NDUFS5: variants seen among roughly 807,000 people sequenced by gnomAD.
NDUFS5 encodes NADH dehydrogenase [ubiquinone] iron-sulfur protein 5.
In NDUFS5, 7 loss-of-function variants were observed where a neutral mutation model predicts 10.5. The ratio of observed to expected loss-of-function variants is 0.66; its 90% CI spans 0.38 to 1.25. The LOEUF is 1.25. NDUFS5 is among the 50% of genes most tolerant of loss of function. The probability of loss-of-function intolerance (pLI) is 0.02; values close to 1 mark genes in which losing one functional copy is unlikely to be tolerated. For synonymous variants in NDUFS5, 38 were observed against 44.0 expected (o/e 0.86, Z 0.54); for missense variants, 148 against 140.7 (o/e 1.05, Z -0.26).
At chr1:39,030,994 C>G (rs1264150584) in intron 2 of NDUFS5, among the ~76,000 whole-genome samples, 1 of 151,940 alleles carries the variant, frequency 6.6e-6, no homozygotes, top group Non-Finnish European at 1.5e-5. Flanking sequence ...TTCAGCCTCC[C>G]AAGTAGCTGG....
rs577493900 is a variant in NDUFS5 at position 39,026,923 on chromosome 1, C to T, written c.-3+521C>T. 1.4e-4 allele frequency among the ~76,000 whole-genome samples: 22 copies of T among 152,292 alleles called. No individual in the cohort carries two copies. In the South Asian group the frequency reaches 2.1e-3, roughly 14 times the overall value. On this transcript the variant is annotated intron_variant, in intron 1 of 2. Coordinates refer to ENST00000372969, the MANE Select transcript of NDUFS5 (RefSeq NM_004552.3). ...CGTGCTTCCTCCTTCGAGCTCTTAC[C>T]CACTCGTGTTCCTTGCAGTGTATTC... is the stretch of plus-strand genomic sequence containing the variant.
At position 39,032,157 on chromosome 1, in the gene NDUFS5, C is replaced by G. The variant is rs147733820; in HGVS notation, c.217-2235C>G. On this transcript the variant is annotated intron_variant, in intron 2 of 2. Transcript: ENST00000372969. Reference sequence around the variant, plus strand: ...CAGCCTGAGCAACAAGAGTGAAACTCTGTGTCAAAAAAACAAACAAATGAA... The same window carrying G: ...CAGCCTGAGCAACAAGAGTGAAACTGTGTGTCAAAAAAACAAACAAATGAA... 1.6e-4 allele frequency among the ~76,000 whole-genome samples: 25 copies of G among 152,168 alleles called. 1 individual carries two copies. In the East Asian group the frequency reaches 4.4e-3, roughly 27 times the overall value.
chr1:39,030,566 G>A (rs891661813), intron 2 of NDUFS5, among the ~76,000 whole-genome samples: 13 of 151,898 alleles, frequency 8.6e-5, no homozygotes, highest in Non-Finnish European at 1.9e-4. Context: ...AATTAGCTGG[G>A]TGTAGTGGCT....
At chr1:39,027,623 G>A (rs1259756421) in intron 1 of NDUFS5, among the ~76,000 whole-genome samples, 5 of 116,546 alleles carry the variant, frequency 4.3e-5, no homozygotes, top group Non-Finnish European at 8.8e-5. Context: ...TTGTTGCCCA[G>A]GATGGAGTGC....
At chr1:39,033,500 G>A (rs1466178675) in intron 2 of NDUFS5, among the ~76,000 whole-genome samples, 2 of 150,264 alleles carry the variant, frequency 1.3e-5, no homozygotes, top group Non-Finnish European at 3.0e-5. Context: ...GCGAACCCAG[G>A]AGGCGGAGGT....
chr1:39,028,446 C>G (rs1396793792), intron 1 of NDUFS5, among the ~76,000 whole-genome samples: 1 of 151,934 alleles, frequency 6.6e-6, no homozygotes, highest in Non-Finnish European at 1.5e-5. Flanking sequence ...GTAGGTGAGC[C>G]ACCGCTCCTG....
intron 1 of NDUFS5, among the ~76,000 whole-genome samples, chr1:39,027,576 C>A (rs1457366803): frequency 1.9e-5 from 1 of 52,110 alleles, no homozygotes; most frequent in Admixed American, 1.8e-4. Flanking sequence ...ATTTCTTTCG[C>A]TCTGGTTTTT....
At chr1:39,027,581 G>GTTTTTGTTTTTTT (rs1644158701) in intron 1 of NDUFS5, among the ~76,000 whole-genome samples, 2 of 91,134 alleles carry the variant, frequency 2.2e-5, no homozygotes, top group African/African-American at 7.7e-5. Flanking sequence ...TTTCGCTCTG[G>GTTTTTGTTTTTTT]TTTTTTTTTT....
chr1:39,028,893 A>C lies in NDUFS5; in HGVS notation c.169A>C (p.Lys57Gln). 6.2e-7 allele frequency: 1 copy of C among 1,614,126 alleles called. No homozygotes were observed. Among genetic ancestry groups the C allele is most frequent in the Non-Finnish European group, 8.5e-7 (1 of 1,180,024 alleles). Residue 57 changes from lysine to glutamine, a missense_variant, in exon 2 of 3, where the codon AAG (lysine) becomes CAG (glutamine). Physicochemically the swap from Lys to Gln is moderately conservative, Grantham distance 53 (BLOSUM62 1). Transcript: ENST00000372969. ...IGYTRAEKEC[K>Q]IEYDDFVECL... ...TTATACTCGGGCAGAGAAAGAGTGC[A>C]AGATAGAATATGATGATTTCGTAGA...
chr1:39,028,952 A>G lies in NDUFS5; in HGVS notation c.216+12A>G, dbSNP rs368711965. 1 of 1,587,722 alleles carries G rather than the reference A, an allele frequency of 6.3e-7. No individual in the cohort carries two copies. Among genetic ancestry groups the G allele is most frequent in the South Asian group, 1.1e-5 (1 of 90,536 alleles). ...TTCGGCAGAAAACGGTAAGGAAATG[A>G]TGGAGGTGGAAGCTGAATTACTTTC... On this transcript the variant is annotated intron_variant, in intron 2 of 2. Transcript: ENST00000372969.
intron 1 of NDUFS5, among the ~76,000 whole-genome samples, chr1:39,027,518 A>AT (rs1247665395): frequency 2.1e-5 from 3 of 146,294 alleles, no homozygotes; most frequent in East Asian, 4.0e-4. Flanking sequence ...TTGCATGTAA[A>AT]TTTTTTTCCC....
chr1:39,027,718 C>T (rs1350559723), intron 1 of NDUFS5, among the ~76,000 whole-genome samples: 7 of 129,958 alleles, frequency 5.4e-5, no homozygotes, highest in African/African-American at 8.4e-5. Context: ...GGACTACAGG[C>T]GCACATACCA....
intron 2 of NDUFS5, among the ~76,000 whole-genome samples, chr1:39,029,697 C>T (rs1255156821): frequency 1.3e-5 from 2 of 152,186 alleles, no homozygotes; most frequent in African/African-American, 4.8e-5. Flanking sequence ...ATTCATTCCA[C>T]TCTGAAGAAG....
chr1:39,028,649 T>G (rs1412942359), intron 1 of NDUFS5, 74 bp from the exon 2 acceptor site: 2 of 1,350,782 alleles, frequency 1.5e-6, no homozygotes, highest in East Asian at 4.8e-5. Context: ...ATCTAATTTT[T>G]TCTTAGAAAT....
rs775526207 is a variant in NDUFS5 at position 39,034,392 on chromosome 1, A to T, written c.217A>T (p.Met73Leu). ...TTTAATTACCATTTTCCTTTGACAG[A>T]TGAGACGTGCAGGTACCATCAGGAA... ...FVECLLRQKTMRRAGTIRKQR... is the reference protein window; with the variant it reads ...FVECLLRQKTLRRAGTIRKQR... The change falls in exon 3 of 3, where the codon ATG becomes TTG. Residue 73 changes from methionine to leucine, a missense_variant and splice_region_variant. Coordinates refer to ENST00000372969, the MANE Select transcript of NDUFS5 (RefSeq NM_004552.3). 8.6e-5 allele frequency: 138 copies of T among 1,612,784 alleles called. No individual in the cohort carries two copies. Among genetic ancestry groups the T allele is most frequent in the Non-Finnish European group, 1.1e-4 (135 of 1,179,242 alleles).
In NDUFS5 at chr1:39,028,865, C is replaced by A. The variant is rs753140567; in HGVS notation, c.141C>A (p.Ile47=). The change falls in exon 2 of 3, where the codon ATC becomes ATA. Residue 47 remains isoleucine, a synonymous_variant. Coordinates refer to ENST00000372969, the MANE Select transcript of NDUFS5 (RefSeq NM_004552.3). The part of the protein sequence containing the change: ...EKEWIECAHG[I]GYTRAEKECK... The stretch of plus-strand genomic sequence containing the variant: ...AATGGATAGAATGTGCACATGGAAT[C>A]GGTTATACTCGGGCAGAGAAAGAGT... The A allele has an allele frequency of 1.2e-6, 2 of 1,613,878 alleles. No homozygotes were observed. Among genetic ancestry groups the A allele is most frequent in the East Asian group, 4.5e-5 (2 of 44,892 alleles).
Position 39,028,958 on chromosome 1 carries a change from G to A in NDUFS5, c.216+18G>A. 1 of 1,605,856 alleles carries A rather than the reference G, an allele frequency of 6.2e-7. No homozygotes were observed. The highest frequency in any genetic ancestry group is 8.5e-7 in the Non-Finnish European group (1 of 1,173,844). On this transcript the variant is annotated intron_variant, in intron 2 of 2. Coordinates refer to ENST00000372969, the MANE Select transcript of NDUFS5 (RefSeq NM_004552.3). ...AGAAAACGGTAAGGAAATGATGGAG[G>A]TGGAAGCTGAATTACTTTCTTGTTC...
At chr1:39,033,003 A>C (rs1320228557) in intron 2 of NDUFS5, among the ~76,000 whole-genome samples, 1 of 152,196 alleles carries the variant, frequency 6.6e-6, no homozygotes, top group Non-Finnish European at 1.5e-5. Context: ...GCAGAGGAAT[A>C]ATGTGATCAG....
chr1:39,030,096 A>G (rs1296685092), intron 2 of NDUFS5, among the ~76,000 whole-genome samples: 1 of 150,998 alleles, frequency 6.6e-6, no homozygotes, highest in Non-Finnish European at 1.5e-5. Flanking sequence ...GCCTCTAAAA[A>G]AAAAACCAAA....
Sources: allele counts gnomAD v4.1 joint callset (sites outside exome capture counted in the v4.1 genomes callset), GRCh38; gene constraint gnomAD v4.1.1; transcripts MANE v1.5; gene names NCBI Gene and HGNC (gene_info 2026-07-23, HGNC 2026-07-21).